TENM4: variants seen among roughly 807,000 people sequenced by gnomAD.
The protein encoded by TENM4 is teneurin transmembrane protein 4, also known as teneurin-4.
In TENM4, 82 loss-of-function variants were observed where a neutral mutation model predicts 243.3. That is an observed-to-expected ratio of 0.34 (90% CI 0.28 to 0.40). The LOEUF (loss-of-function observed/expected upper bound fraction) is 0.40. TENM4 is among the 10% of genes least tolerant of loss of function. TENM4 has a pLI of 1.00. For synonymous variants in TENM4, 1,412 were observed against 1,456.3 expected (o/e 0.97, Z 0.69); for missense variants, 3,138 against 3,673.3 (o/e 0.85, Z 3.77).
chr11:79,366,722 C>G (rs749364460), intron 1 of TENM4, among the ~76,000 whole-genome samples: 16 of 152,144 alleles, frequency 1.1e-4, no homozygotes, highest in African/African-American at 2.4e-5. Flanking sequence ...CTCCTTGAGG[C>G]CTGGGAAGGT....
intron 3 of TENM4, among the ~76,000 whole-genome samples, chr11:79,206,408 G>C (rs530014857): frequency 1.1e-4 from 17 of 152,306 alleles, no homozygotes; most frequent in African/African-American, 4.1e-4. Flanking sequence ...GGCTTTTGTT[G>C]CCAGTGGTAG....
intron 12 of TENM4, among the ~76,000 whole-genome samples, chr11:78,843,896 A>G (rs1458432035): frequency 6.6e-6 from 1 of 152,210 alleles, no homozygotes; most frequent in Non-Finnish European, 1.5e-5. Flanking sequence ...TGCCGATAAG[A>G]AGTTCATGCC....
rs943577782 is a variant in TENM4, at chr11:78,903,471, C to A, written c.546G>T (p.Pro182=). The change falls in exon 7 of 34, where the codon CCG becomes CCT. Residue 182 remains proline (P), a synonymous_variant. Coordinates refer to ENST00000278550, the MANE Select transcript of TENM4 (RefSeq NM_001098816.3). ...NHARLRTPPP[P]LSHAHTPNQH... Reference sequence around the variant, plus strand: ...GGTTGGGGGTGTGGGCGTGCGAGAGCGGCGGCGGCGGCGTCCGGAGCCGCG... The same window carrying A: ...GGTTGGGGGTGTGGGCGTGCGAGAGAGGCGGCGGCGGCGTCCGGAGCCGCG... 1.3e-6 allele frequency: 2 copies of A among 1,542,974 alleles called. No homozygotes were observed. The highest frequency in any genetic ancestry group is 2.8e-5 in the African/African-American group (2 of 72,648).
chr11:78,920,420 G>C (rs1196146979), intron 6 of TENM4, among the ~76,000 whole-genome samples: 1 of 152,204 alleles, frequency 6.6e-6, no homozygotes, highest in Non-Finnish European at 1.5e-5. Context: ...TCCATTTCCA[G>C]GTGGACAGAC....
intron 6 of TENM4, among the ~76,000 whole-genome samples, chr11:79,029,134 G>T (rs1237344118): frequency 1.3e-5 from 2 of 152,038 alleles, no homozygotes; most frequent in Non-Finnish European, 2.9e-5. Context: ...GTCAATCTCT[G>T]CACAGGCCAG....
At chr11:79,072,980 T>C (rs1490987835) in intron 4 of TENM4, among the ~76,000 whole-genome samples, 1 of 152,204 alleles carries the variant, frequency 6.6e-6, no homozygotes, top group Non-Finnish European at 1.5e-5. Context: ...ACATCTTTAA[T>C]CCTCACCCCA....
chr11:79,140,509 C>T (rs991404845), intron 4 of TENM4, among the ~76,000 whole-genome samples: 1 of 152,070 alleles, frequency 6.6e-6, no homozygotes, highest in Non-Finnish European at 1.5e-5. Flanking sequence ...TAAGACGCTT[C>T]CAAGTCTTGT....
intron 6 of TENM4, among the ~76,000 whole-genome samples, chr11:79,057,910 C>T (rs182341340): frequency 6.6e-6 from 1 of 152,288 alleles, no homozygotes; most frequent in African/African-American, 2.4e-5. Flanking sequence ...TTGCCTGTTA[C>T]AGTCCTTTCC....
Position 78,688,154 on chromosome 11 carries a change from T to C in TENM4, c.5160A>G (p.Thr1720=), listed in dbSNP as rs764391669. 2 of 1,614,014 alleles carry C rather than the reference T, an allele frequency of 1.2e-6. No homozygotes were observed. Among genetic ancestry groups the C allele is most frequent in the South Asian group, 1.1e-5 (1 of 91,076 alleles). Residue 1720 remains threonine, a synonymous_variant, in exon 29 of 34, where the codon ACA becomes ACG. Transcript: ENST00000278550. ...TGQVSSFRSD[T]DSSVHVQVET... ...CTACCTGGACATGCACTGAACTGTC[T>C]GTATCACTTCGGAAACTGCTCACCT...
In TENM4 at chr11:79,409,060, TTGTGTGTGTGTG is replaced by T. The variant is rs559211499; in HGVS notation, c.-321+31437_-321+31448del. ...TAAAGTGTTGTCTATGAGGGATATT[TTGTGTGTGTGTG>T]TGTGTGTGTGTGTGTGTGTGTGTGT... is the stretch of plus-strand genomic sequence containing the variant. On this transcript the variant is annotated intron_variant, in intron 1 of 33. Coordinates refer to ENST00000278550, the MANE Select transcript of TENM4 (RefSeq NM_001098816.3). Among the ~76,000 whole-genome samples, 362 of 141,980 alleles carry T rather than the reference TTGTGTGTGTGTG, an allele frequency of 2.5e-3. 1 individual carries two copies. The highest frequency in any genetic ancestry group is 3.8e-3 in the African/African-American group (142 of 37,660). 93.1% of individuals were successfully genotyped at this position (141,980 alleles called of 152,430 possible).
chr11:79,119,435 T>G (rs906923723), intron 4 of TENM4, among the ~76,000 whole-genome samples: 3 of 152,052 alleles, frequency 2.0e-5, no homozygotes, highest in Admixed American at 1.3e-4. Flanking sequence ...GGTCATTGAT[T>G]TATAACTATC....
intron 3 of TENM4, among the ~76,000 whole-genome samples, chr11:79,172,278 C>T (rs962983268): frequency 1.3e-5 from 2 of 152,126 alleles, no homozygotes; most frequent in African/African-American, 4.8e-5. Context: ...TACACTGGAT[C>T]AGCAGATGTA....
At chr11:79,172,508 C>T (rs1863067613) in intron 3 of TENM4, among the ~76,000 whole-genome samples, 1 of 152,150 alleles carries the variant, frequency 6.6e-6, no homozygotes. Context: ...TGTTCCTCCC[C>T]AACTCCAATC....
At chr11:79,312,882 C>A (rs941747986) in intron 1 of TENM4, among the ~76,000 whole-genome samples, 6 of 152,214 alleles carry the variant, frequency 3.9e-5, no homozygotes, top group Non-Finnish European at 8.8e-5. Context: ...TCCACAGAGC[C>A]TTCCCTGCCA....
intron 1 of TENM4, among the ~76,000 whole-genome samples, chr11:79,316,199 C>T (rs1856799872): frequency 6.6e-6 from 1 of 150,378 alleles, no homozygotes; most frequent in African/African-American, 2.5e-5. Context: ...TAGGTTGATA[C>T]AAAAAAGAGA....
intron 4 of TENM4, among the ~76,000 whole-genome samples, chr11:79,121,956 A>G (rs1861753813): frequency 6.6e-6 from 1 of 152,232 alleles, no homozygotes; most frequent in South Asian, 2.1e-4. Flanking sequence ...AAATGAGAAT[A>G]TAAGAATAGA....
At chr11:78,930,812 C>T (rs1164575262) in intron 6 of TENM4, among the ~76,000 whole-genome samples, 1 of 152,198 alleles carries the variant, frequency 6.6e-6, no homozygotes, top group Non-Finnish European at 1.5e-5. Flanking sequence ...TTTCTTCTGA[C>T]TGTGGCAATG....
At chr11:79,251,499 G>A (rs538103541) in intron 2 of TENM4, among the ~76,000 whole-genome samples, 8 of 152,186 alleles carry the variant, frequency 5.3e-5, no homozygotes, top group Admixed American at 2.6e-4. Context: ...AATCAGGCAC[G>A]AAATAGCTCT....
At chr11:78,845,823 A>C (rs1314925980) in intron 12 of TENM4, among the ~76,000 whole-genome samples, 1 of 152,230 alleles carries the variant, frequency 6.6e-6, no homozygotes, top group Non-Finnish European at 1.5e-5. Context: ...TCAGTTATAA[A>C]AATTAAACCA....
Sources: allele counts gnomAD v4.1 joint callset (sites outside exome capture counted in the v4.1 genomes callset), GRCh38; gene constraint gnomAD v4.1.1; transcripts MANE v1.5; gene names NCBI Gene and HGNC (gene_info 2026-07-23, HGNC 2026-07-21).